RPA3: variants seen among roughly 807,000 people sequenced by gnomAD.
RPA3 encodes the protein replication protein A 14 kDa subunit.
RPA3 carries 24 observed loss-of-function variants against 13.7 expected under a neutral mutation model. That is an observed-to-expected ratio of 1.75 (90% confidence interval 1.27 to 2.46). The LOEUF (loss-of-function observed/expected upper bound fraction) is 2.46, where lower values mean the gene tolerates loss of function less well. Ranked by LOEUF, RPA3 falls within the 30% of genes most tolerant of loss-of-function variation. The probability of loss-of-function intolerance (pLI) is 0.00; values close to 1 mark genes in which losing one functional copy is unlikely to be tolerated. For synonymous variants in RPA3, 59 were observed against 51.2 expected (o/e 1.15, Z -0.65); for missense variants, 183 against 151.0 (o/e 1.21, Z -1.11).
chr7:7,647,042 A>G (rs1785112883), intron 4 of RPA3, among the ~76,000 whole-genome samples: 1 of 152,086 alleles, frequency 6.6e-6, no homozygotes, highest in Non-Finnish European at 1.5e-5. Flanking sequence ...ATTAGTGTGG[A>G]GTGTTTCTTT....
intron 2 of RPA3, among the ~76,000 whole-genome samples, chr7:7,696,579 T>C (rs1213469458): frequency 6.6e-6 from 1 of 152,150 alleles, no homozygotes; most frequent in Non-Finnish European, 1.5e-5. Flanking sequence ...TATTAACCAG[T>C]GTCAACTGTC....
intron 4 of RPA3, among the ~76,000 whole-genome samples, chr7:7,684,023 C>T (rs1427023377): frequency 6.6e-6 from 1 of 152,196 alleles, no homozygotes; most frequent in East Asian, 1.9e-4. Context: ...ACGCTCAACG[C>T]TCTGATATAA....
intron 2 of RPA3, among the ~76,000 whole-genome samples, chr7:7,713,412 T>A (rs1020981537): frequency 2.0e-5 from 3 of 151,804 alleles, no homozygotes; most frequent in Admixed American, 6.6e-5. Flanking sequence ...TTTTTTTTTT[T>A]AAATGATATC....
intron 1 of RPA3, among the ~76,000 whole-genome samples, chr7:7,716,358 C>G (rs994620521): frequency 6.6e-6 from 1 of 152,226 alleles, no homozygotes; most frequent in African/African-American, 2.4e-5. Context: ...GTTAGTGAGG[C>G]TAAGAGAGTC....
chr7:7,673,488 A>G lies in RPA3; in HGVS notation c.-758+12342T>C, dbSNP rs976708491. 6 of 702,738 alleles carry G rather than the reference A, an allele frequency of 8.5e-6. No homozygotes were observed. In the South Asian group the frequency reaches 9.7e-5, roughly 11 times the overall value. 43.5% of individuals were successfully genotyped at this position (702,738 alleles called of 1,614,324 possible). On this transcript the variant is annotated intron_variant, in intron 4 of 7. Transcript: ENST00000223129. ...TTTAAGAAACAAAATAATTAGATGAATTATGTTCTCTTTAAAAAATTACTT... is the reference window on the plus strand; with the variant it reads ...TTTAAGAAACAAAATAATTAGATGAGTTATGTTCTCTTTAAAAAATTACTT...
At chr7:7,692,088 CT>C (rs1329704732) in intron 2 of RPA3, among the ~76,000 whole-genome samples, 2 of 152,086 alleles carry the variant, frequency 1.3e-5, no homozygotes, top group African/African-American at 2.4e-5. Context: ...CTCTTTACCC[CT>C]GGGGTTCCAT....
intron 2 of RPA3, among the ~76,000 whole-genome samples, chr7:7,697,654 C>A (rs1780353633): frequency 6.6e-6 from 1 of 152,148 alleles, no homozygotes; most frequent in African/African-American, 2.4e-5. Flanking sequence ...TTATCACATT[C>A]ATGTGACATT....
At chr7:7,648,246 G>A (rs181446527) in intron 4 of RPA3, among the ~76,000 whole-genome samples, 6 of 152,328 alleles carry the variant, frequency 3.9e-5, no homozygotes, top group South Asian at 4.1e-4. Context: ...GAGCACTAGC[G>A]TTTGACAGAT....
intron 4 of RPA3, chr7:7,676,256 C>T (rs1053683461): frequency 2.3e-5 from 9 of 398,164 alleles, no homozygotes; most frequent in Non-Finnish European, 3.5e-5. Context: ...GAAATGAGCA[C>T]GATATCGGTA....
chr7:7,644,535 G>A (rs933137622), intron 4 of RPA3, among the ~76,000 whole-genome samples: 5 of 151,896 alleles, frequency 3.3e-5, no homozygotes, highest in Admixed American at 6.6e-5. Flanking sequence ...TTAATAGTCC[G>A]TCATCTAGAA....
At chr7:7,688,322 T>C (rs140248254) in intron 2 of RPA3, among the ~76,000 whole-genome samples, 2 of 152,320 alleles carry the variant, frequency 1.3e-5, no homozygotes, top group East Asian at 3.9e-4. Flanking sequence ...CATATCTCAT[T>C]GGGTACCTTT....
Position 7,638,292 on chromosome 7 carries a change from T to C in RPA3, c.175-320A>G, listed in dbSNP as rs28916306. On this transcript the variant is annotated intron_variant, in intron 6 of 7. Coordinates refer to ENST00000223129, the MANE Select transcript of RPA3 (RefSeq NM_002947.5). ...TGAGAGGAATCTTCTATAATCTGTATTTCACAATGTGTTCTGTATACATTA... is the reference window on the plus strand; with the variant it reads ...TGAGAGGAATCTTCTATAATCTGTACTTCACAATGTGTTCTGTATACATTA... 8.2e-5 allele frequency: 18 copies of C among 219,254 alleles called. No homozygotes were observed. The East Asian group carries it at 1.8e-3, about 22-fold the overall frequency. 13.6% of individuals were successfully genotyped at this position (219,254 alleles called of 1,614,324 possible).
At chr7:7,698,965 C>A in intron 2 of RPA3, among the ~76,000 whole-genome samples, 1 of 151,408 alleles carries the variant, frequency 6.6e-6, no homozygotes, top group East Asian at 1.9e-4. Context: ...AGTGATTCTC[C>A]CACTTCAGCC....
intron 2 of RPA3, among the ~76,000 whole-genome samples, chr7:7,700,060 G>A (rs1202596191): frequency 2.0e-5 from 3 of 152,328 alleles, no homozygotes; most frequent in East Asian, 3.9e-4. Context: ...TGTGGAGGGT[G>A]TCTTAGTCAG....
At chr7:7,706,784 T>G (rs1780612576) in intron 2 of RPA3, among the ~76,000 whole-genome samples, 1 of 152,168 alleles carries the variant, frequency 6.6e-6, no homozygotes, top group South Asian at 2.1e-4. Flanking sequence ...ATTGTCTGAG[T>G]CTGTGCTCTT....
At chr7:7,702,533 G>C (rs78251653) in intron 2 of RPA3, among the ~76,000 whole-genome samples, 5,927 of 152,136 alleles carry the variant, frequency 0.039, 410 homozygotes, top group African/African-American at 0.14. Context: ...ACTTGAAATA[G>C]CTATTTTCAT....
chr7:7,640,476 C>A lies in RPA3; in HGVS notation c.-58G>T. On this transcript the variant is annotated 5_prime_UTR_variant, in exon 5 of 8. Transcript: ENST00000223129. ...CCCACGGACGACTGAAACTGTGCGC[C>A]CCGCGGGTGTCTATGGGGCAGATTT... is the stretch of plus-strand genomic sequence containing the variant. 6.5e-7 allele frequency: 1 copy of A among 1,531,896 alleles called. No homozygotes were observed. 94.9% of individuals were successfully genotyped at this position (1,531,896 alleles called of 1,614,324 possible).
At chr7:7,710,692 T>C (rs928930815) in intron 2 of RPA3, among the ~76,000 whole-genome samples, 7 of 152,226 alleles carry the variant, frequency 4.6e-5, no homozygotes, top group Admixed American at 6.5e-5. Flanking sequence ...AATTACACTT[T>C]GGGCATTTAT....
intron 2 of RPA3, among the ~76,000 whole-genome samples, chr7:7,701,115 A>G (rs1417626427): frequency 6.6e-6 from 1 of 152,168 alleles, no homozygotes; most frequent in Non-Finnish European, 1.5e-5. Context: ...TTTGGTTAAT[A>G]TTCCAGTTGT....
Sources: gnomAD v4.1 joint callset for allele counts (sites outside exome capture counted in the v4.1 genomes callset) on GRCh38, gnomAD v4.1.1 for gene constraint, MANE v1.5 for transcripts, NCBI Gene and HGNC (gene_info 2026-07-23, HGNC 2026-07-21) for gene names.